DTNA: variants seen among roughly 807,000 people sequenced by gnomAD.
The protein encoded by DTNA is dystrophin-related protein 3.
Under a neutral mutation model 100.7 loss-of-function variants are expected in DTNA, and 43 were observed. The ratio of observed to expected loss-of-function variants is 0.43; its 90% CI spans 0.33 to 0.55. The LOEUF (loss-of-function observed/expected upper bound fraction) is 0.55, where lower values mean the gene tolerates loss of function less well. Ranked by LOEUF, DTNA falls within the 20% of genes least tolerant of loss-of-function variation. The pLI, the probability that DTNA is intolerant of heterozygous loss-of-function variation, is 0.04. For missense variants in DTNA, 798 were observed against 953.9 expected, an observed-to-expected ratio of 0.84 and a Z score of 2.15; for synonymous variants, 349 against 347.9, an observed-to-expected ratio of 1.00 and a Z score of -0.04.
rs146862556 is a variant in DTNA at position 34,868,387 on chromosome 18, T to C, written c.1743+4325T>C. ...CAGAACCTTATCAATCCCAGCCCTATAGAGGCGGTTCTGCAAGGAAATAAA... is the reference window on the plus strand; with the variant it reads ...CAGAACCTTATCAATCCCAGCCCTACAGAGGCGGTTCTGCAAGGAAATAAA... On this transcript the variant is annotated intron_variant, in intron 17 of 22. Transcript: ENST00000444659. 5.9e-5 allele frequency: 46 copies of C among 784,384 alleles called. No homozygotes were observed. The East Asian group carries it at 5.3e-3, about 91-fold the overall frequency. The allele number at this position is 784,384 out of a possible 1,614,324, so 48.6% of individuals were successfully genotyped here. A position where few individuals can be genotyped will look rare whatever the true frequency, so the allele number is the denominator to read the frequency against.
intron 1 of DTNA, among the ~76,000 whole-genome samples, chr18:34,502,203 G>T (rs1416826473): frequency 6.6e-6 from 1 of 152,064 alleles, no homozygotes; most frequent in Admixed American, 6.6e-5. Flanking sequence ...TGTCTGCATG[G>T]TCTTTAGTGC....
chr18:34,882,603 C>T (rs369627298), intron 21 of DTNA, among the ~76,000 whole-genome samples: 1 of 151,994 alleles, frequency 6.6e-6, no homozygotes, highest in African/African-American at 2.4e-5. Context: ...CTCCTGACCT[C>T]GCGATCCACC....
In DTNA at chr18:34,820,847, C is replaced by T. The variant is rs114170541; in HGVS notation, c.933C>T (p.Ser311=). 2,595 of 1,614,110 alleles carry T rather than the reference C, an allele frequency of 1.6e-3. 46 individuals carry two copies. In the African/African-American group the frequency reaches 0.029, roughly 18 times the overall value. The change falls in exon 9 of 23, where the codon TCC becomes TCT. Residue 311 remains serine (S), a synonymous_variant. Transcript: ENST00000444659. ...NALSKSLSCA[S]SREPLHPMFP... ...TAAGCAAGTCCCTGAGCTGTGCTTCCAGCCGTGAACCTTTGCACCCCATGT... is the reference window on the plus strand; with the variant it reads ...TAAGCAAGTCCCTGAGCTGTGCTTCTAGCCGTGAACCTTTGCACCCCATGT...
intron 1 of DTNA, among the ~76,000 whole-genome samples, chr18:34,501,010 A>C (rs571405208): frequency 5.3e-5 from 8 of 152,330 alleles, no homozygotes; most frequent in Middle Eastern, 3.4e-3. Context: ...AAAAGTAGAG[A>C]GTGCAAGCAT....
intron 1 of DTNA, among the ~76,000 whole-genome samples, chr18:34,536,207 T>G (rs2043694712): frequency 6.6e-6 from 1 of 152,012 alleles, no homozygotes; most frequent in African/African-American, 2.4e-5. Context: ...ATTCCCCTAT[T>G]GATTGGTATG....
chr18:34,703,860 A>G (rs556245873), intron 1 of DTNA, among the ~76,000 whole-genome samples: 79 of 152,302 alleles, frequency 5.2e-4, no homozygotes, highest in African/African-American at 1.6e-3. Context: ...AACAATTTCC[A>G]CAATAGTGTG....
chr18:34,801,711 A>C (rs995669292), intron 4 of DTNA, among the ~76,000 whole-genome samples: 11 of 151,844 alleles, frequency 7.2e-5, no homozygotes, highest in African/African-American at 2.7e-4. Context: ...GGTTTTCACC[A>C]TGTTGGCCAG....
At chr18:34,732,431 T>C (rs992160076) in intron 1 of DTNA, among the ~76,000 whole-genome samples, 1 of 152,176 alleles carries the variant, frequency 6.6e-6, no homozygotes, top group African/African-American at 2.4e-5. Context: ...GCAGTCACCT[T>C]CCTCTGCGAT....
intron 1 of DTNA, among the ~76,000 whole-genome samples, chr18:34,669,608 G>T (rs1387010561): frequency 5.9e-5 from 9 of 152,202 alleles, no homozygotes; most frequent in South Asian, 2.1e-4. Flanking sequence ...AGGAGCTCTT[G>T]TAGGGCAGGC....
At chr18:34,799,390 A>G (rs1485876571) in intron 4 of DTNA, among the ~76,000 whole-genome samples, 1 of 152,238 alleles carries the variant, frequency 6.6e-6, no homozygotes, top group Non-Finnish European at 1.5e-5. Flanking sequence ...TTAAAAAATG[A>G]TTCGATATTT....
Position 34,738,617 on chromosome 18 carries a change from T to C in DTNA, c.-1-17359T>C, listed in dbSNP as rs943591476. Among the ~76,000 whole-genome samples, 11 of 152,334 alleles carry C rather than the reference T, an allele frequency of 7.2e-5. No individual in the cohort carries two copies. In the East Asian group the frequency reaches 2.1e-3, roughly 29 times the overall value. The stretch of plus-strand genomic sequence containing the variant: ...ACCCTGTTCCCTCTGCACCTCGGTC[T>C]CTTTATCCTCTTCTTCTATCTGCCG... On this transcript the variant is annotated intron_variant, in intron 1 of 22. Coordinates refer to ENST00000444659, the MANE Select transcript of DTNA (RefSeq NM_001386795.1).
rs528515714 is a variant in DTNA at position 34,615,211 on chromosome 18, G to A, written c.-2+121697G>A. Among the ~76,000 whole-genome samples the A allele has an allele frequency of 2.0e-5, 3 of 152,092 alleles. No homozygotes were observed. The East Asian group carries it at 5.8e-4, about 29-fold the overall frequency. ...ACACATAGTGAAAGCAGAAGCAAGA[G>A]AAAGAGTGGAGGGGAAGGTGCCACA... On this transcript the variant is annotated intron_variant, in intron 1 of 19. Coordinates refer to the DTNA transcript ENST00000283365.
intron 1 of DTNA, among the ~76,000 whole-genome samples, chr18:34,673,504 A>G (rs920329039): frequency 2.7e-5 from 4 of 146,934 alleles, no homozygotes; most frequent in African/African-American, 1.1e-4. Flanking sequence ...ACAGAAAGAT[A>G]CGCAGAGCCA....
intron 21 of DTNA, among the ~76,000 whole-genome samples, chr18:34,882,507 T>C (rs1307181591): frequency 6.6e-6 from 1 of 152,170 alleles, no homozygotes; most frequent in African/African-American, 2.4e-5. Context: ...TAGCTGGGAC[T>C]ACGGGCATGC....
chr18:34,580,543 A>G (rs1009532607), intron 1 of DTNA, among the ~76,000 whole-genome samples: 3 of 152,166 alleles, frequency 2.0e-5, no homozygotes, highest in Admixed American at 6.5e-5. Flanking sequence ...CTATAGCTTT[A>G]GTGTGATTTG....
At chr18:34,879,907 A>G (rs980068122) in intron 20 of DTNA, among the ~76,000 whole-genome samples, 188 bp downstream of exon 20, 2 of 152,174 alleles carry the variant, frequency 1.3e-5, no homozygotes, top group African/African-American at 2.4e-5. Flanking sequence ...CCCCTCTTAC[A>G]ATTTCCAGAG....
chr18:34,532,584 T>A (rs2043248189), intron 1 of DTNA, among the ~76,000 whole-genome samples: 1 of 152,062 alleles, frequency 6.6e-6, no homozygotes, highest in Non-Finnish European at 1.5e-5. Context: ...TTTGTTCTTA[T>A]ACTCTTGTCC....
At chr18:34,631,987 T>G (rs2148129480) in intron 1 of DTNA, among the ~76,000 whole-genome samples, 1 of 152,344 alleles carries the variant, frequency 6.6e-6, no homozygotes, top group East Asian at 1.9e-4. Context: ...ACCATTCTCA[T>G]GGACTTCATT....
intron 1 of DTNA, among the ~76,000 whole-genome samples, chr18:34,531,409 A>G (rs1403166406): frequency 2.0e-5 from 3 of 152,140 alleles, no homozygotes; most frequent in Non-Finnish European, 4.4e-5. Context: ...TTTTGAGGAC[A>G]TGATTACATA....
Sources: gnomAD v4.1 joint callset for allele counts (sites outside exome capture counted in the v4.1 genomes callset) on GRCh38, gnomAD v4.1.1 for gene constraint, MANE v1.5 for transcripts, NCBI Gene and HGNC (gene_info 2026-07-23, HGNC 2026-07-21) for gene names.